AGBL2: variants seen among roughly 807,000 people sequenced by gnomAD.
AGBL2 encodes the protein AGBL carboxypeptidase 2.
AGBL2 carries 87 observed loss-of-function variants against 103.0 expected under a neutral mutation model. The ratio of observed to expected loss-of-function variants is 0.84; its 90% CI spans 0.71 to 1.01. The LOEUF is 1.01. Ranked by LOEUF, AGBL2 falls within the 50% of genes least tolerant of loss-of-function variation. The pLI is 0.00. For synonymous variants in AGBL2, 335 were observed against 356.7 expected (o/e 0.94, Z 0.69); for missense variants, 904 against 1,023.5 (o/e 0.88, Z 1.59).
intron 4 of AGBL2, among the ~76,000 whole-genome samples, chr11:47,708,162 A>G (rs2097526778): frequency 6.6e-6 from 1 of 151,568 alleles, no homozygotes; most frequent in Admixed American, 6.6e-5. Context: ...CTGCCTCCCA[A>G]TTTCAAGCGA....
intron 10 of AGBL2, among the ~76,000 whole-genome samples, chr11:47,689,295 C>T (rs1276481756): frequency 6.9e-6 from 1 of 145,568 alleles, no homozygotes; most frequent in Non-Finnish European, 1.5e-5. Context: ...AACCTACCCA[C>T]TTCTCAATTT....
At chr11:47,670,616 G>T (rs986746402) in intron 14 of AGBL2, among the ~76,000 whole-genome samples, 5 of 151,934 alleles carry the variant, frequency 3.3e-5, no homozygotes. Context: ...CACACTTTGG[G>T]AGGCCAAGGC....
chr11:47,702,395 A>C (rs1213066820), intron 7 of AGBL2, among the ~76,000 whole-genome samples: 1 of 152,120 alleles, frequency 6.6e-6, no homozygotes, highest in Non-Finnish European at 1.5e-5. Flanking sequence ...AAGCTGGGTT[A>C]GGTATGCTCA....
At position 47,680,043 on chromosome 11, in the gene AGBL2, T is replaced by C. The variant is rs770387393; in HGVS notation, c.1946A>G (p.Glu649Gly). 1.7e-5 allele frequency: 27 copies of C among 1,612,328 alleles called. No individual in the cohort carries two copies. Among genetic ancestry groups the C allele is most frequent in the Non-Finnish European group, 2.2e-5 (26 of 1,178,862 alleles). ...GNKRDTHFTI[E>G]DLKSLGYHVC... is the part of the protein sequence containing the mutation. ...ATGATAACCTAAGGACTTCAGATCT[T>C]CGATGGTAAAGTGGGTGTCTCTTTT... The change falls in exon 13 of 19, where the codon GAA (glutamate) becomes GGA (glycine). Residue 649 changes from glutamate (E) to glycine (G), a missense_variant. Coordinates refer to ENST00000525123, the MANE Select transcript of AGBL2 (RefSeq NM_024783.4).
chr11:47,668,537 A>G (rs2097347964), intron 15 of AGBL2, among the ~76,000 whole-genome samples: 1 of 152,294 alleles, frequency 6.6e-6, no homozygotes, highest in Non-Finnish European at 1.5e-5. Context: ...TAATAACCAA[A>G]TATCTGTGAT....
At chr11:47,688,248 T>A (rs2097431983) in intron 10 of AGBL2, among the ~76,000 whole-genome samples, 1 of 152,020 alleles carries the variant, frequency 6.6e-6, no homozygotes, top group Non-Finnish European at 1.5e-5. Context: ...CATGAGTCAC[T>A]GTGCCTGACC....
intron 10 of AGBL2, among the ~76,000 whole-genome samples, chr11:47,687,739 A>T (rs2097429592): frequency 6.6e-6 from 1 of 151,894 alleles, no homozygotes. Flanking sequence ...TGAGCCAATT[A>T]AACCTCTTTT....
At chr11:47,696,599 T>A (rs2097475173) in intron 8 of AGBL2, among the ~76,000 whole-genome samples, 2 of 152,174 alleles carry the variant, frequency 1.3e-5, no homozygotes, top group Admixed American at 1.3e-4. Context: ...GATTTCTAAT[T>A]ATTATTTCTT....
At chr11:47,686,907 C>T (rs1369236891) in intron 10 of AGBL2, among the ~76,000 whole-genome samples, 2 of 136,478 alleles carry the variant, frequency 1.5e-5, no homozygotes, top group Non-Finnish European at 3.1e-5. Flanking sequence ...TGCAGTAAAC[C>T]GAGATTGCGC....
At chr11:47,665,371 A>T (rs891379813) in intron 17 of AGBL2, among the ~76,000 whole-genome samples, 7 of 151,614 alleles carry the variant, frequency 4.6e-5, no homozygotes, top group African/African-American at 7.3e-5. Flanking sequence ...TTTAAAAAAA[A>T]TTTTTGTAGA....
chr11:47,691,729 AATATAT>A lies in AGBL2; in HGVS notation c.848+368_848+373del, dbSNP rs1554960982. ...TCTCAAGAAAAAAAAAAAAAAAAAA[AATATAT>A]ATATATATATATATATATATAATTT... On this transcript the variant is annotated intron_variant, in intron 9 of 18. Transcript: ENST00000525123. Among the ~76,000 whole-genome samples the A allele has an allele frequency of 8.2e-4, 4 of 4,854 alleles. No homozygotes were observed. In the Admixed American group the frequency reaches 0.013, roughly 16 times the overall value. 3.2% of individuals were successfully genotyped at this position (4,854 alleles called of 152,430 possible). A position where few individuals can be genotyped will look rare whatever the true frequency, so the allele number is the denominator to read the frequency against.
intron 16 of AGBL2, among the ~76,000 whole-genome samples, chr11:47,667,278 A>G (rs2097343820): frequency 6.6e-6 from 1 of 152,184 alleles, no homozygotes; most frequent in South Asian, 2.1e-4. Flanking sequence ...ACTCCTGACT[A>G]GCTCTAGCCA....
intron 18 of AGBL2, among the ~76,000 whole-genome samples, chr11:47,661,174 T>A (rs865801320): frequency 5.8e-4 from 88 of 150,848 alleles, no homozygotes; most frequent in African/African-American, 1.7e-3. Context: ...AAAAAAAAAA[T>A]TTTTTTTTAA....
intron 8 of AGBL2, among the ~76,000 whole-genome samples, chr11:47,697,533 A>G (rs1195223829): frequency 8.7e-6 from 1 of 114,870 alleles, no homozygotes; most frequent in Admixed American, 9.5e-5. Flanking sequence ...CCACCTCGCC[A>G]AGCCTACTTT....
intron 7 of AGBL2, among the ~76,000 whole-genome samples, chr11:47,702,712 A>G (rs1222401926): frequency 6.6e-6 from 1 of 152,012 alleles, no homozygotes; most frequent in Non-Finnish European, 1.5e-5. Context: ...CGTCTGTACT[A>G]AAAATACAAA....
intron 4 of AGBL2, 68 bp from the exon 5 acceptor site, chr11:47,705,985 C>T: frequency 7.7e-7 from 1 of 1,301,986 alleles, no homozygotes. Context: ...TGTCTGCTAT[C>T]CCCATCCCTT....
At chr11:47,699,333 G>GA (rs2097489071) in intron 8 of AGBL2, 113 bp downstream of exon 8, 1 of 572,620 alleles carries the variant, frequency 1.7e-6, no homozygotes, top group African/African-American at 2.0e-5. Flanking sequence ...TGTTGGCCTG[G>GA]AAAAGAGTTT....
intron 8 of AGBL2, 118 bp downstream of exon 8, chr11:47,699,328 G>T: frequency 1.9e-6 from 1 of 538,938 alleles, no homozygotes; most frequent in South Asian, 4.2e-5. Flanking sequence ...ACTCATGTTG[G>T]CCTGGAAAAG....
At chr11:47,703,792 G>A (rs887559587) in intron 7 of AGBL2, among the ~76,000 whole-genome samples, 3 of 152,010 alleles carry the variant, frequency 2.0e-5, no homozygotes, top group Non-Finnish European at 2.9e-5. Context: ...GGGTGTGGTG[G>A]CACATGCCTG....
Sources: allele counts gnomAD v4.1 joint callset (sites outside exome capture counted in the v4.1 genomes callset), GRCh38; gene constraint gnomAD v4.1.1; transcripts MANE v1.5; gene names NCBI Gene and HGNC (gene_info 2026-07-23, HGNC 2026-07-21).